The following SGCG variants were observed in gnomAD, a reference collection of about 807,000 sequenced individuals.
SGCG encodes sarcoglycan gamma.
A neutral mutation model predicts 29.3 loss-of-function variants in SGCG; 26 were observed. That is an observed-to-expected ratio of 0.89 (90% CI 0.65 to 1.23). The LOEUF (loss-of-function observed/expected upper bound fraction) is 1.23, where lower values mean the gene tolerates loss of function less well. SGCG is among the 50% of genes most tolerant of loss of function. The pLI, the probability that SGCG is intolerant of heterozygous loss-of-function variation, is 0.00. For missense variants in SGCG, 353 were observed against 356.0 expected (o/e 0.99, Z 0.07); for synonymous variants, 145 against 129.7 (o/e 1.12, Z -0.80).
At chr13:23,248,539 A>G (rs1566016317) in intron 3 of SGCG, among the ~76,000 whole-genome samples, 1 of 17,048 alleles carries the variant, frequency 5.9e-5, no homozygotes. Flanking sequence ...CTCTACAACA[A>G]AAAAAATTAG....
chr13:23,163,902 A>G, the SGCG span, among the ~76,000 whole-genome samples: 17 of 152,348 alleles, frequency 1.1e-4, no homozygotes, highest in African/African-American at 3.1e-4. Context: ...TATGAAAATC[A>G]TTGAATTATT....
At chr13:23,259,309 G>C (rs1416385667) in intron 4 of SGCG, among the ~76,000 whole-genome samples, 1 of 152,120 alleles carries the variant, frequency 6.6e-6, no homozygotes, top group Admixed American at 6.5e-5. Flanking sequence ...ATTTCTTCTA[G>C]ATTTTCTGGT....
At chr13:23,261,589 G>A (rs768782078) in intron 4 of SGCG, among the ~76,000 whole-genome samples, 1 of 151,990 alleles carries the variant, frequency 6.6e-6, no homozygotes, top group Non-Finnish European at 1.5e-5. Context: ...GTATTTAAGG[G>A]AATAATTTAG....
chr13:23,266,221 G>A (rs1344366781), intron 4 of SGCG, among the ~76,000 whole-genome samples: 6 of 150,814 alleles, frequency 4.0e-5, no homozygotes, highest in Non-Finnish European at 7.4e-5. Context: ...GCAGTGAGCC[G>A]AGATCACGCC....
At position 23,302,831 on chromosome 13, in the gene SGCG, T is replaced by C. The variant is rs180752335; in HGVS notation, c.578+7344T>C. On this transcript the variant is annotated intron_variant, in intron 6 of 7. Coordinates refer to ENST00000218867, the MANE Select transcript of SGCG (RefSeq NM_000231.3). ...GGAGTCAAGATCAGGCATCAATATC[T>C]TTCCTGTTTTTTAAGTAGATGTCCC... Among the ~76,000 whole-genome samples, 68 of 152,288 alleles carry C rather than the reference T, an allele frequency of 4.5e-4. 1 individual carries two copies. The highest frequency in any genetic ancestry group is 1.6e-3 in the African/African-American group (67 of 41,558).
rs2137520371 is a variant in SGCG, at chr13:23,316,643, G to C, written c.579-3994G>C. 2.0e-5 allele frequency among the ~76,000 whole-genome samples: 3 copies of C among 152,286 alleles called. 1 individual carries two copies. Among genetic ancestry groups the C allele is most frequent in the Middle Eastern group, 3.4e-3 (1 of 294 alleles). On this transcript the variant is annotated intron_variant, in intron 6 of 7. Transcript: ENST00000218867. ...CAGGACTCATGGGTCCAGGAATCAA[G>C]GGGTGGAAGTGGAAGTGGCACCACT...
At chr13:23,268,783 A>G (rs1195488434) in intron 4 of SGCG, 1 of 152,352 alleles carries the variant, frequency 6.6e-6, no homozygotes, top group Non-Finnish European at 1.5e-5. Flanking sequence ...TACATGGCCC[A>G]ACTGTATAAT....
intron 4 of SGCG, among the ~76,000 whole-genome samples, chr13:23,266,727 A>ATTCTCTC (rs933556427): frequency 6.6e-6 from 1 of 152,082 alleles, no homozygotes; most frequent in East Asian, 1.9e-4. Context: ...ATAAATTTAA[A>ATTCTCTC]TTCTCTCTTC....
chr13:23,190,818 T>C (rs1484722128), intron 1 of SGCG, among the ~76,000 whole-genome samples: 1 of 152,140 alleles, frequency 6.6e-6, no homozygotes, highest in Non-Finnish European at 1.5e-5. Context: ...TCACAGGACT[T>C]TGAAGAGAAC....
intron 6 of SGCG, among the ~76,000 whole-genome samples, chr13:23,306,258 A>C (rs1291253697): frequency 2.6e-5 from 4 of 152,116 alleles, no homozygotes; most frequent in African/African-American, 9.7e-5. Flanking sequence ...TAATTTGTGG[A>C]GTATTGGGAT....
intron 2 of SGCG, among the ~76,000 whole-genome samples, chr13:23,206,123 T>C (rs1166273051): frequency 6.6e-6 from 1 of 152,240 alleles, no homozygotes; most frequent in Non-Finnish European, 1.5e-5. Flanking sequence ...ATTTGAAAGA[T>C]TTTAAAATAC....
At chr13:23,235,948 A>G (rs1319698811) in intron 3 of SGCG, among the ~76,000 whole-genome samples, 1 of 152,210 alleles carries the variant, frequency 6.6e-6, no homozygotes, top group Non-Finnish European at 1.5e-5. Flanking sequence ...GCAAAATGAC[A>G]TGGCATGTGA....
intron 4 of SGCG, among the ~76,000 whole-genome samples, chr13:23,276,145 C>T (rs1881057486): frequency 1.3e-5 from 2 of 151,856 alleles, no homozygotes; most frequent in East Asian, 1.9e-4. Context: ...CTGCAAAAGA[C>T]GATTACATCC....
the SGCG span, chr13:23,170,534 A>C: frequency 2.6e-5 from 4 of 152,256 alleles, no homozygotes; most frequent in African/African-American, 7.2e-5. Flanking sequence ...GTCTTCAAAC[A>C]CAAGGAGCTA....
intron 5 of SGCG, among the ~76,000 whole-genome samples, chr13:23,286,987 T>C (rs1440465467): frequency 6.6e-6 from 1 of 152,226 alleles, no homozygotes. Flanking sequence ...TATTGAATTA[T>C]AGCTTTATCG....
intron 1 of SGCG, 44 bp from the exon 2 acceptor site, chr13:23,203,651 C>G: frequency 1.3e-6 from 2 of 1,486,324 alleles, no homozygotes; most frequent in Non-Finnish European, 1.9e-6. Context: ...CTCATTCCCT[C>G]TCTGTCTCTT....
At chr13:23,248,618 C>A (rs1048511535) in intron 3 of SGCG, among the ~76,000 whole-genome samples, 1 of 149,600 alleles carries the variant, frequency 6.7e-6, no homozygotes, top group Non-Finnish European at 1.5e-5. Context: ...GGCGGGAACC[C>A]GGGAGGCGGA....
chr13:23,163,628 A>T, the SGCG span, among the ~76,000 whole-genome samples: 1 of 152,222 alleles, frequency 6.6e-6, no homozygotes, highest in African/African-American at 2.4e-5. Context: ...AAATAATGAA[A>T]GCTGAACTGG....
upstream of SGCG, among the ~76,000 whole-genome samples, chr13:23,178,611 A>G (rs1876631894): frequency 6.6e-6 from 1 of 152,168 alleles, no homozygotes; most frequent in Non-Finnish European, 1.5e-5. Context: ...ATGGCCTAAT[A>G]TGTTTCACTA....
Sources: gnomAD v4.1 joint callset for allele counts (sites outside exome capture counted in the v4.1 genomes callset) on GRCh38, gnomAD v4.1.1 for gene constraint, MANE v1.5 for transcripts, NCBI Gene and HGNC (gene_info 2026-07-23, HGNC 2026-07-21) for gene names.